Variants in GMDS observed in about 807,000 individuals in gnomAD.
GMDS encodes GDP-mannose 4,6 dehydratase.
GMDS carries 20 observed loss-of-function variants against 49.9 expected under a neutral mutation model. That is an observed-to-expected ratio of 0.40 (90% confidence interval 0.28 to 0.58). GMDS has a LOEUF of 0.58. Ranked by LOEUF, GMDS falls within the 20% of genes least tolerant of loss-of-function variation. The probability of loss-of-function intolerance (pLI) is 0.42; values close to 1 mark genes in which losing one functional copy is unlikely to be tolerated. For missense variants in GMDS, 362 were observed against 481.4 expected (o/e 0.75, Z 2.32); for synonymous variants, 177 against 178.6 (o/e 0.99, Z 0.07).
At chr6:1,867,807 G>A (rs1581275288) in intron 7 of GMDS, among the ~76,000 whole-genome samples, 1 of 152,138 alleles carries the variant, frequency 6.6e-6, no homozygotes, top group East Asian at 1.9e-4. Context: ...AAATTGAGAG[G>A]TAAAATGATA....
chr6:1,645,603 GTC>G (rs1405061612), intron 9 of GMDS, among the ~76,000 whole-genome samples: 2 of 152,190 alleles, frequency 1.3e-5, no homozygotes, highest in African/African-American at 4.8e-5. Flanking sequence ...TGGCTTTAGT[GTC>G]TCTGCTTTCT....
At chr6:2,049,721 C>T (rs531325131) in intron 4 of GMDS, among the ~76,000 whole-genome samples, 8 of 151,994 alleles carry the variant, frequency 5.3e-5, no homozygotes, top group South Asian at 2.1e-4. Flanking sequence ...AAGGTTAGAG[C>T]GATGCCTCAA....
chr6:2,076,023 T>C (rs1332112142), intron 4 of GMDS, among the ~76,000 whole-genome samples: 9 of 152,212 alleles, frequency 5.9e-5, no homozygotes, highest in South Asian at 2.1e-4. Context: ...ATGAGCATTT[T>C]TTCATGTGTC....
chr6:2,164,339 C>G (rs1777554438), intron 1 of GMDS, among the ~76,000 whole-genome samples: 1 of 152,160 alleles, frequency 6.6e-6, no homozygotes, highest in South Asian at 2.1e-4. Flanking sequence ...TCTCAGGGGT[C>G]ATGTCTTGAA....
intron 9 of GMDS, among the ~76,000 whole-genome samples, chr6:1,705,114 T>C (rs1035676137): frequency 6.6e-6 from 1 of 152,224 alleles, no homozygotes; most frequent in Non-Finnish European, 1.5e-5. Context: ...CCAGTAAGTG[T>C]TGATAGCTGA....
intron 1 of GMDS, among the ~76,000 whole-genome samples, chr6:2,155,983 C>A (rs902017093): frequency 1.3e-5 from 2 of 151,708 alleles, no homozygotes; most frequent in African/African-American, 4.8e-5. Context: ...AAATTTAAAT[C>A]GCTCATTGTT....
At chr6:1,913,570 AG>A (rs1483698129) in intron 7 of GMDS, among the ~76,000 whole-genome samples, 2 of 152,222 alleles carry the variant, frequency 1.3e-5, no homozygotes, top group African/African-American at 4.8e-5. Flanking sequence ...ACCATATTCC[AG>A]TCACAGGGAA....
intron 4 of GMDS, among the ~76,000 whole-genome samples, chr6:2,064,700 G>A (rs1257166008): frequency 1.3e-5 from 2 of 152,162 alleles, no homozygotes; most frequent in East Asian, 3.8e-4. Flanking sequence ...ATGTTGAGGT[G>A]AGGGCAGCCT....
chr6:2,138,033 TA>T lies in GMDS; in HGVS notation c.103-13303del, dbSNP rs1322442339. ...TCTAAGAGAGCTGGGTCAACTGTAA[TA>T]GAAATTAATTTTTTCATATCCATCT... On this transcript the variant is annotated intron_variant, in intron 1 of 10. Coordinates refer to ENST00000380815, the MANE Select transcript of GMDS (RefSeq NM_001500.4). Among the ~76,000 whole-genome samples the T allele has an allele frequency of 5.9e-5, 9 of 152,186 alleles. No homozygotes were observed. The South Asian group carries it at 1.4e-3, about 25-fold the overall frequency.
chr6:1,653,141 A>G (rs1175015795), intron 9 of GMDS, among the ~76,000 whole-genome samples: 1 of 150,452 alleles, frequency 6.6e-6, no homozygotes, highest in Non-Finnish European at 1.5e-5. Flanking sequence ...TGCCAGTGTC[A>G]CTTCCCATCT....
At chr6:1,806,439 A>ACAC (rs1554121526) in intron 7 of GMDS, among the ~76,000 whole-genome samples, 1 of 146,112 alleles carries the variant, frequency 6.8e-6, no homozygotes, top group Non-Finnish European at 1.5e-5. Context: ...AGCACATGGG[A>ACAC]ACACACACAC....
At chr6:1,896,757 C>T (rs1760216505) in intron 7 of GMDS, among the ~76,000 whole-genome samples, 1 of 151,916 alleles carries the variant, frequency 6.6e-6, no homozygotes, top group Admixed American at 6.6e-5. Flanking sequence ...TAGACTCTGT[C>T]CCATCAAAGT....
chr6:1,679,494 T>G (rs2113302751), intron 9 of GMDS: 1 of 152,378 alleles, frequency 6.6e-6, no homozygotes, highest in Non-Finnish European at 1.5e-5. Context: ...CCCCAGCTAA[T>G]GCTGCTCCGT....
rs1766594206 is a variant in GMDS at position 1,726,497 on chromosome 6, AT to A, written c.905del (p.Asn302MetfsTer16). The A allele has an allele frequency of 1.2e-6, 2 of 1,611,638 alleles. No individual in the cohort carries two copies. Among genetic ancestry groups the A allele is most frequent in the Non-Finnish European group, 1.7e-6 (2 of 1,177,838 alleles). On this transcript the variant is annotated frameshift_variant, in exon 9 of 11. Coordinates refer to ENST00000380815, the MANE Select transcript of GMDS (RefSeq NM_001500.4). LOFTEE classifies it high-confidence loss of function. Reference protein sequence around the residue: ...IGKTIVWEGKNENEVGRCKET... With the variant: ...IGKTIVWEGKXENEVGRCKET... ...CTTTACATCTGCCCACTTCATTTTC[AT>A]TCTTTCCTTCCCACCTGTAAGGAAG... is the stretch of plus-strand genomic sequence containing the variant.
At chr6:1,637,026 C>T (rs2745615) in intron 9 of GMDS, among the ~76,000 whole-genome samples, 15,401 of 152,292 alleles carry the variant, frequency 0.1, 896 homozygotes, top group African/African-American at 0.17. Flanking sequence ...CTGCTTCTTG[C>T]CTTGGGGACC....
At chr6:1,731,284 G>C (rs1387349205) in intron 8 of GMDS, among the ~76,000 whole-genome samples, 1 of 152,228 alleles carries the variant, frequency 6.6e-6, no homozygotes, top group Non-Finnish European at 1.5e-5. Flanking sequence ...TCCAGAAAGA[G>C]AGTACAGAAA....
At chr6:1,843,904 C>T (rs945274403) in intron 7 of GMDS, among the ~76,000 whole-genome samples, 3 of 152,172 alleles carry the variant, frequency 2.0e-5, no homozygotes, top group Non-Finnish European at 2.9e-5. Context: ...AGAACTGAGG[C>T]CATAGCGTCT....
chr6:1,742,359 C>T (rs936163859), intron 8 of GMDS, 109 bp downstream of exon 8: 8 of 675,912 alleles, frequency 1.2e-5, no homozygotes, highest in Admixed American at 2.2e-5. Flanking sequence ...TTCTGTATTG[C>T]TCTTCAGGAG....
chr6:2,086,869 G>A (rs1255377674), intron 4 of GMDS, among the ~76,000 whole-genome samples: 1 of 152,168 alleles, frequency 6.6e-6, no homozygotes, highest in African/African-American at 2.4e-5. Flanking sequence ...CCATGTGTTT[G>A]CTGCTGTCTG....
Sources: allele counts gnomAD v4.1 joint callset (sites outside exome capture counted in the v4.1 genomes callset), GRCh38; gene constraint gnomAD v4.1.1; transcripts MANE v1.5; gene names NCBI Gene and HGNC (gene_info 2026-07-23, HGNC 2026-07-21).